The following PPARGC1A variants were observed in gnomAD, a reference collection of about 807,000 sequenced individuals.
PPARGC1A encodes PPARG coactivator 1 alpha.
In PPARGC1A, 25 loss-of-function variants were observed where a neutral mutation model predicts 88.7. The observed-to-expected ratio is 0.28, with a 90% CI of 0.21 to 0.39. The LOEUF (loss-of-function observed/expected upper bound fraction) is 0.39, where lower values mean the gene tolerates loss of function less well. Ranked by LOEUF, PPARGC1A falls within the 10% of genes least tolerant of loss-of-function variation. The pLI, the probability that PPARGC1A is intolerant of heterozygous loss-of-function variation, is 1.00. For synonymous variants in PPARGC1A, 363 were observed against 355.6 expected (o/e 1.02, Z -0.24); for missense variants, 880 against 968.7 (o/e 0.91, Z 1.22).
At chr4:24,392,601 CAG>C in the PPARGC1A span, among the ~76,000 whole-genome samples, 1 of 152,198 alleles carries the variant, frequency 6.6e-6, no homozygotes, top group African/African-American at 2.4e-5. Context: ...TCCTCCTTAA[CAG>C]AGATAAGATT....
chr4:23,848,633 T>C (rs1728721818), intron 2 of PPARGC1A, among the ~76,000 whole-genome samples: 1 of 152,230 alleles, frequency 6.6e-6, no homozygotes, highest in Non-Finnish European at 1.5e-5. Flanking sequence ...CAATTGCTGC[T>C]CAATTTGTCC....
intron 2 of PPARGC1A, among the ~76,000 whole-genome samples, chr4:23,841,926 C>A (rs1318868843): frequency 6.6e-6 from 1 of 152,002 alleles, no homozygotes; most frequent in Non-Finnish European, 1.5e-5. Flanking sequence ...TTAATGGAAA[C>A]CACCCATTTA....
chr4:23,858,011 T>C (rs763806737), intron 2 of PPARGC1A, among the ~76,000 whole-genome samples: 1 of 151,836 alleles, frequency 6.6e-6, no homozygotes, highest in Non-Finnish European at 1.5e-5. Flanking sequence ...ATGGCTAAAT[T>C]ATAAAAACAA....
At chr4:23,815,014 C>A (rs1352901175) in intron 7 of PPARGC1A, among the ~76,000 whole-genome samples, 1 of 151,868 alleles carries the variant, frequency 6.6e-6, no homozygotes, top group South Asian at 2.1e-4. Flanking sequence ...CACGGAATAG[C>A]CTTGGTAGCA....
At chr4:23,870,515 T>C (rs773974366) in intron 2 of PPARGC1A, among the ~76,000 whole-genome samples, 4 of 152,234 alleles carry the variant, frequency 2.6e-5, no homozygotes, top group Non-Finnish European at 5.9e-5. Flanking sequence ...CTGTCACCAT[T>C]TCATGAATTT....
At chr4:24,279,276 C>G in the PPARGC1A span, among the ~76,000 whole-genome samples, 2 of 152,142 alleles carry the variant, frequency 1.3e-5, no homozygotes, top group Non-Finnish European at 2.9e-5. Flanking sequence ...AAATGAGAAG[C>G]CTTGAGTTGA....
the PPARGC1A span, among the ~76,000 whole-genome samples, chr4:24,090,628 GTTC>G: frequency 6.6e-6 from 1 of 152,086 alleles, no homozygotes; most frequent in South Asian, 2.1e-4. Context: ...ACACAGAAGT[GTTC>G]TTTTTTCCAT....
At chr4:24,030,572 T>C in the PPARGC1A span, among the ~76,000 whole-genome samples, 1 of 152,198 alleles carries the variant, frequency 6.6e-6, no homozygotes, top group Admixed American at 6.5e-5. Context: ...GCAGTTACTG[T>C]TCCCATTATT....
chr4:23,797,376 C>A (rs1328688370), intron 12 of PPARGC1A, among the ~76,000 whole-genome samples: 3 of 151,934 alleles, frequency 2.0e-5, no homozygotes, highest in Admixed American at 6.6e-5. Flanking sequence ...AAATGTCTAG[C>A]TCATTGCTAG....
chr4:24,113,183 A>C, the PPARGC1A span, among the ~76,000 whole-genome samples: 2 of 152,258 alleles, frequency 1.3e-5, no homozygotes, highest in East Asian at 3.9e-4. Context: ...TGATTTATTT[A>C]TCTCTCTATC....
At chr4:23,883,671 T>C (rs1716374766) in intron 2 of PPARGC1A, 1 of 152,214 alleles carries the variant, frequency 6.6e-6, no homozygotes, top group African/African-American at 2.4e-5. Context: ...AGCATGAGTA[T>C]ACCAAAATGT....
the PPARGC1A span, among the ~76,000 whole-genome samples, chr4:24,356,827 G>A: frequency 6.6e-6 from 1 of 152,142 alleles, no homozygotes; most frequent in Non-Finnish European, 1.5e-5. Context: ...ATATGATGGA[G>A]GAGAAAACTG....
chr4:24,266,491 G>T, the PPARGC1A span, among the ~76,000 whole-genome samples: 1 of 152,092 alleles, frequency 6.6e-6, no homozygotes, highest in African/African-American at 2.4e-5. Context: ...ATTGTTTGGG[G>T]TCTTGTGAAT....
At chr4:24,445,053 A>C in the PPARGC1A span, among the ~76,000 whole-genome samples, 3 of 151,044 alleles carry the variant, frequency 2.0e-5, no homozygotes, top group South Asian at 4.2e-4. Context: ...ACCCTGTCTC[A>C]AAAAAAAAGA....
the PPARGC1A span, among the ~76,000 whole-genome samples, chr4:24,035,589 A>T: frequency 2.0e-5 from 3 of 151,764 alleles, no homozygotes; most frequent in Admixed American, 6.6e-5. Context: ...AAATAAAAAT[A>T]AAAAACTTTG....
chr4:23,922,677 T>C, the PPARGC1A span, among the ~76,000 whole-genome samples: 9 of 152,148 alleles, frequency 5.9e-5, no homozygotes, highest in Middle Eastern at 3.2e-3. Context: ...ACAGAGACAA[T>C]GGAATGCTTC....
chr4:23,924,878 G>A, the PPARGC1A span, among the ~76,000 whole-genome samples: 5 of 152,228 alleles, frequency 3.3e-5, no homozygotes, highest in East Asian at 7.8e-4. Context: ...CCAAACAGGA[G>A]AAAGGTGGAT....
At chr4:24,398,775 A>C in the PPARGC1A span, among the ~76,000 whole-genome samples, 9 of 152,182 alleles carry the variant, frequency 5.9e-5, no homozygotes, top group African/African-American at 2.2e-4. Flanking sequence ...TCCAGGGGTT[A>C]ATGTGCATTT....
chr4:23,834,478 G>C (rs1271447182), intron 2 of PPARGC1A, among the ~76,000 whole-genome samples: 4 of 106,540 alleles, frequency 3.8e-5, no homozygotes, highest in Non-Finnish European at 7.5e-5. Flanking sequence ...GACAGAGGGA[G>C]ACTCTGTCTC....
Sources: gnomAD v4.1 joint callset for allele counts (sites outside exome capture counted in the v4.1 genomes callset) on GRCh38, gnomAD v4.1.1 for gene constraint, MANE v1.5 for transcripts, NCBI Gene and HGNC (gene_info 2026-07-23, HGNC 2026-07-21) for gene names.